ZC3HC1: variants seen among roughly 807,000 people sequenced by gnomAD.
The protein encoded by ZC3HC1 is zinc finger C3HC-type containing 1, also known as zinc finger C3HC-type protein 1.
In ZC3HC1, 38 loss-of-function variants were observed where a neutral mutation model predicts 61.9. That is an observed-to-expected ratio of 0.61 (90% CI 0.47 to 0.81). The LOEUF is 0.81. Ranked by LOEUF, ZC3HC1 falls within the 30% of genes least tolerant of loss-of-function variation. The probability of loss-of-function intolerance (pLI) is 0.00; values close to 1 mark genes in which losing one functional copy is unlikely to be tolerated. For synonymous variants in ZC3HC1, 213 were observed against 229.9 expected (o/e 0.93, Z 0.67); for missense variants, 554 against 622.7 (o/e 0.89, Z 1.17).
At chr7:130,041,804 G>A (rs1257583513) in intron 2 of ZC3HC1, among the ~76,000 whole-genome samples, 1 of 152,082 alleles carries the variant, frequency 6.6e-6, no homozygotes, top group Non-Finnish European at 1.5e-5. Flanking sequence ...TGCAATTACA[G>A]GCGTGAGCCA....
chr7:130,041,051 T>G lies in ZC3HC1; in HGVS notation c.309A>C (p.Ala103=), dbSNP rs1350248185. The stretch of plus-strand genomic sequence containing the variant: ...ATTCCACTGTGACCCAGCCATATTT[T>G]GCACAGACGAGTGGAGACAGCTCAA... ...KPFELSPLVC[A]KYGWVTVECD... The change falls in exon 3 of 10, where the codon GCA becomes GCC. Residue 103 remains alanine, a synonymous_variant. Transcript: ENST00000358303. The G allele has an allele frequency of 6.2e-7, 1 of 1,614,066 alleles. No homozygotes were observed. The highest frequency in any genetic ancestry group is 1.3e-5 in the African/African-American group (1 of 75,026).
chr7:130,043,725 T>C (rs1195212216), intron 2 of ZC3HC1: 2 of 381,522 alleles, frequency 5.2e-6, no homozygotes, highest in East Asian at 7.7e-5. Flanking sequence ...CAGCCCAGGG[T>C]GTCAGAACCA....
At chr7:130,046,845 T>C (rs1794886183) in intron 2 of ZC3HC1, among the ~76,000 whole-genome samples, 1 of 152,166 alleles carries the variant, frequency 6.6e-6, no homozygotes, top group Non-Finnish European at 1.5e-5. Flanking sequence ...TGCAGTGCAG[T>C]GGCATGGTCT....
At chr7:130,020,496 A>G (rs991511426) in intron 9 of ZC3HC1, among the ~76,000 whole-genome samples, 1 of 151,634 alleles carries the variant, frequency 6.6e-6, no homozygotes, top group Non-Finnish European at 1.5e-5. Context: ...TCCTGACCTC[A>G]GGTGATTCCC....
At chr7:130,029,052 G>A (rs1221092422) in intron 4 of ZC3HC1, 23 bp from the exon 5 acceptor site, 1 of 1,605,572 alleles carries the variant, frequency 6.2e-7, no homozygotes, top group Non-Finnish European at 8.5e-7. Context: ...TAAATTGGAA[G>A]ATTATATTGG....
At chr7:130,033,200 T>G (rs1282224317) in intron 4 of ZC3HC1, among the ~76,000 whole-genome samples, 1 of 152,030 alleles carries the variant, frequency 6.6e-6, no homozygotes, top group Non-Finnish European at 1.5e-5. Context: ...GCCCAGCTAA[T>G]TTTTTGTATT....
chr7:130,032,906 C>G (rs1310123258), intron 4 of ZC3HC1, among the ~76,000 whole-genome samples: 1 of 152,032 alleles, frequency 6.6e-6, no homozygotes, highest in South Asian at 2.1e-4. Context: ...ATAATACTTA[C>G]AAATATATCA....
At chr7:130,044,251 C>T (rs1232838600) in intron 2 of ZC3HC1, among the ~76,000 whole-genome samples, 1 of 152,162 alleles carries the variant, frequency 6.6e-6, no homozygotes, top group Non-Finnish European at 1.5e-5. Context: ...CTCTCCTGGG[C>T]TCAGGCAATT....
chr7:130,023,743 A>AT lies in ZC3HC1; in HGVS notation c.1021-21dup. ...TTCAGCCTGAAGGAAAGGGGAGATA[A>AT]TGGAAGTACACGAATGATATTAATG... is the stretch of plus-strand genomic sequence containing the variant. On this transcript the variant is annotated intron_variant, in intron 7 of 9. Coordinates refer to ENST00000358303, the MANE Select transcript of ZC3HC1 (RefSeq NM_016478.5). This position sits in a 1 kb window ranked among gnomAD's most constrained non-coding sequence, Gnocchi z 4.2. 6.4e-7 allele frequency: 1 copy of AT among 1,573,952 alleles called. No homozygotes were observed. The highest frequency in any genetic ancestry group is 8.7e-7 in the Non-Finnish European group (1 of 1,145,576).
chr7:130,018,390 G>T lies in ZC3HC1; in HGVS notation c.*274C>A. ...TTGAAGATGCTGAAATGGGTGGTCA[G>T]GTCCTTAGTCTTCCTTCTAGTCTGT... On this transcript the variant is annotated 3_prime_UTR_variant, in exon 10 of 10. Coordinates refer to ENST00000358303, the MANE Select transcript of ZC3HC1 (RefSeq NM_016478.5). 1 of 373,038 alleles carries T rather than the reference G, an allele frequency of 2.7e-6. No homozygotes were observed. The highest frequency in any genetic ancestry group is 7.1e-5 in the South Asian group (1 of 14,052). The allele number at this position is 373,038 out of a possible 1,614,324, so 23.1% of individuals were successfully genotyped here.
rs58430072 is a variant in ZC3HC1, at chr7:130,028,163, C to CA, written c.621+738dup. Among the ~76,000 whole-genome samples, 62 of 34,120 alleles carry CA rather than the reference C, an allele frequency of 1.8e-3. 8 individuals carry two copies. The highest frequency in any genetic ancestry group is 9.2e-3 in the Admixed American group (16 of 1,748). The allele number at this position is 34,120 out of a possible 152,430, so 22.4% of individuals were successfully genotyped here. ...CTGGCGACAGAACAAGACTCTGTCT[C>CA]AAAAAAAAAAAAAAAAAAAAAAAAA... On this transcript the variant is annotated intron_variant, in intron 5 of 9. Transcript: ENST00000358303.
intron 3 of ZC3HC1, 124 bp downstream of exon 3, chr7:130,040,812 AAAAAAAAAAAAGATT>A: frequency 9.7e-6 from 9 of 931,238 alleles, no homozygotes; most frequent in East Asian, 2.7e-5. Flanking sequence ...CCATCTCAAA[AAAAAAAAAAAAGATT>A]AAAAAAAAAG....
chr7:130,023,464 A>T lies in ZC3HC1; in HGVS notation c.1233+47T>A, dbSNP rs747550278. 1 of 1,590,190 alleles carries T rather than the reference A, an allele frequency of 6.3e-7. No individual in the cohort carries two copies. The highest frequency in any genetic ancestry group is 2.2e-5 in the East Asian group (1 of 44,724). ...TCTCCATGCTGCCTAGGGAGGGCCC[A>T]ATATGCTGTTTATGCTCAGCCACTG... is the stretch of plus-strand genomic sequence containing the variant. On this transcript the variant is annotated intron_variant, in intron 8 of 9. Coordinates refer to ENST00000358303, the MANE Select transcript of ZC3HC1 (RefSeq NM_016478.5). The surrounding 1 kb of genome is among the most constrained non-coding windows in gnomAD (Gnocchi z 4.2).
At position 130,018,870 on chromosome 7, in the gene ZC3HC1, C is replaced by T. The variant is rs140231963; in HGVS notation, c.1441-138G>A. The T allele has an allele frequency of 6.3e-4, 407 of 648,558 alleles. 1 individual carries two copies. The African/African-American group carries it at 6.9e-3, about 11-fold the overall frequency. 40.2% of individuals were successfully genotyped at this position (648,558 alleles called of 1,614,324 possible). On this transcript the variant is annotated intron_variant, in intron 9 of 9. Coordinates refer to ENST00000358303, the MANE Select transcript of ZC3HC1 (RefSeq NM_016478.5). ...TGTAGTATGCTATACATAATGTATACCTAAAGTCAGACTAAAGATCGAGGG... is the reference window on the plus strand; with the variant it reads ...TGTAGTATGCTATACATAATGTATATCTAAAGTCAGACTAAAGATCGAGGG...
intron 9 of ZC3HC1, among the ~76,000 whole-genome samples, chr7:130,020,784 C>T (rs117675915): frequency 0.016 from 2,377 of 152,258 alleles, 33 homozygotes; most frequent in Middle Eastern, 0.02. Flanking sequence ...AGGAGTCTTA[C>T]TGAAAACTGC....
intron 9 of ZC3HC1, among the ~76,000 whole-genome samples, chr7:130,020,120 T>A (rs1003789446): frequency 2.0e-5 from 3 of 151,642 alleles, no homozygotes; most frequent in African/African-American, 7.3e-5. Context: ...CGGCCCACTT[T>A]CACAGTTTTT....
Position 130,018,422 on chromosome 7 carries a change from C to G in ZC3HC1, c.*242G>C. ...AGTCTTCCTTCTAGTCTGTTAATCC[C>G]ACACTCCTTTAACAGAACCATGCTT... On this transcript the variant is annotated 3_prime_UTR_variant, in exon 10 of 10. Coordinates refer to ENST00000358303, the MANE Select transcript of ZC3HC1 (RefSeq NM_016478.5). 1 of 450,462 alleles carries G rather than the reference C, an allele frequency of 2.2e-6. No homozygotes were observed. Among genetic ancestry groups the G allele is most frequent in the Non-Finnish European group, 4.0e-6 (1 of 250,210 alleles). The allele number at this position is 450,462 out of a possible 1,614,324, so 27.9% of individuals were successfully genotyped here. A position where few individuals can be genotyped will look rare whatever the true frequency, so the allele number is the denominator to read the frequency against.
rs75688693 is a variant in ZC3HC1, at chr7:130,038,449, C to T, written c.493+1015G>A. ...CCCTCTACAGGAAACCTAGGTAGAA[C>T]ATGGCATTGCTTGGTGTGGTGGGAA... is the stretch of plus-strand genomic sequence containing the variant. On this transcript the variant is annotated intron_variant, in intron 4 of 9. Coordinates refer to ENST00000358303, the MANE Select transcript of ZC3HC1 (RefSeq NM_016478.5). Among the ~76,000 whole-genome samples, 376 of 152,284 alleles carry T rather than the reference C, an allele frequency of 2.5e-3. 1 individual carries two copies. The highest frequency in any genetic ancestry group is 8.5e-3 in the African/African-American group (352 of 41,570).
At chr7:130,027,065 A>G (rs57596770) in intron 5 of ZC3HC1, 12,910 of 151,858 alleles carry the variant, frequency 0.085, 682 homozygotes, top group African/African-American at 0.15. Context: ...GAGCTCAAGC[A>G]ATCCTCCCAC....
Sources: gnomAD v4.1 joint callset for allele counts (sites outside exome capture counted in the v4.1 genomes callset) on GRCh38, gnomAD v4.1.1 for gene constraint, Gnocchi (gnomAD v3.1) non-coding constraint, MANE v1.5 for transcripts, NCBI Gene and HGNC (gene_info 2026-07-23, HGNC 2026-07-21) for gene names.